The following CDH4 variants were observed in gnomAD, a reference collection of about 807,000 sequenced individuals.
CDH4 encodes cadherin 4.
CDH4 carries 33 observed loss-of-function variants against 86.0 expected under a neutral mutation model. The ratio of observed to expected loss-of-function variants is 0.38; its 90% CI spans 0.29 to 0.51. CDH4 has a LOEUF of 0.51. CDH4 is among the 20% of genes least tolerant of loss of function. The pLI, the probability that CDH4 is intolerant of heterozygous loss-of-function variation, is 0.86. For synonymous variants in CDH4, 555 were observed against 549.4 expected (o/e 1.01, Z -0.14); for missense variants, 1,114 against 1,307.4 (o/e 0.85, Z 2.28).
intron 3 of CDH4, among the ~76,000 whole-genome samples, chr20:61,769,236 A>G (rs369652269): frequency 3.9e-5 from 6 of 152,096 alleles, no homozygotes; most frequent in African/African-American, 1.4e-4. Context: ...ACTGCAGAAC[A>G]TATCAGGCGT....
At chr20:61,716,200 G>A (rs1248226730) in intron 2 of CDH4, among the ~76,000 whole-genome samples, 1 of 152,130 alleles carries the variant, frequency 6.6e-6, no homozygotes, top group Non-Finnish European at 1.5e-5. Flanking sequence ...GCTATAAAGG[G>A]GCAGATGCTC....
intron 4 of CDH4, among the ~76,000 whole-genome samples, chr20:61,775,229 C>T (rs1341250756): frequency 1.3e-5 from 2 of 152,234 alleles, no homozygotes; most frequent in East Asian, 3.9e-4. Context: ...ATTTGTTACC[C>T]AGGCCAGTGG....
In CDH4 at chr20:61,852,862, G is replaced by A. The variant is rs78979746; in HGVS notation, c.841G>A (p.Val281Ile). 6.2e-7 allele frequency: 1 copy of A among 1,613,910 alleles called. No individual in the cohort carries two copies. Among genetic ancestry groups the A allele is most frequent in the Non-Finnish European group, 8.5e-7 (1 of 1,179,972 alleles). The change falls in exon 6 of 16, where the codon GTC becomes ATC. Residue 281 changes from valine to isoleucine, a missense_variant. This residue lies in a region of CDH4 where 705 missense variants were observed against 914.1 expected (regional missense o/e 0.77). Coordinates refer to ENST00000614565, the MANE Select transcript of CDH4 (RefSeq NM_001794.5). ...CAACCGCCCTGAGTTCATCAACCAG[G>A]TCTACAACGGCTCCGTGGACGAGGG... Reference protein sequence around the residue: ...NDNRPEFINQVYNGSVDEGSK... With the variant: ...NDNRPEFINQIYNGSVDEGSK...
intron 2 of CDH4, among the ~76,000 whole-genome samples, chr20:61,545,894 CGT>C (rs1568886404): frequency 6.1e-5 from 4 of 65,640 alleles, no homozygotes; most frequent in Non-Finnish European, 9.1e-5. Context: ...GGTATGTGTT[CGT>C]ATGTGTGTGT....
intron 2 of CDH4, among the ~76,000 whole-genome samples, chr20:61,375,002 C>T (rs886140578): frequency 6.6e-6 from 1 of 152,218 alleles, no homozygotes; most frequent in Non-Finnish European, 1.5e-5. Context: ...CCCGGAAGCA[C>T]TTGAATCCTT....
At chr20:61,932,363 G>T (rs561229296) in intron 13 of CDH4, among the ~76,000 whole-genome samples, 2 of 152,338 alleles carry the variant, frequency 1.3e-5, no homozygotes, top group East Asian at 3.9e-4. Context: ...GCTGGGGAGA[G>T]GGCCTGAGCC....
chr20:61,906,623 C>G (rs2054791864), intron 8 of CDH4, among the ~76,000 whole-genome samples: 7 of 152,086 alleles, frequency 4.6e-5, no homozygotes, highest in African/African-American at 2.4e-5. Context: ...TGGCCCTGAG[C>G]CAGGTGTCAG....
At chr20:61,602,852 G>A (rs762629067) in intron 2 of CDH4, among the ~76,000 whole-genome samples, 46 of 152,224 alleles carry the variant, frequency 3.0e-4, no homozygotes, top group Non-Finnish European at 5.7e-4. Flanking sequence ...CGCCCGCAGG[G>A]CATTTACTTG....
At chr20:61,851,874 T>C (rs1982741320) in intron 5 of CDH4, among the ~76,000 whole-genome samples, 3 of 152,078 alleles carry the variant, frequency 2.0e-5, no homozygotes. Context: ...GGATGGAAGC[T>C]CCAGGGCAGC....
rs1175787812 is a variant in CDH4 at position 61,938,873 on chromosome 20, G to A, written c.*1930G>A. ...GAGCTGGGGTCTCAGTCTCCAACCT[G>A]TCCTTTCTGACCCTCCCATGGCTGC... On this transcript the variant is annotated 3_prime_UTR_variant, in exon 16 of 16. Transcript: ENST00000614565. The A allele has an allele frequency of 1.3e-5, 2 of 152,290 alleles. No homozygotes were observed. Among genetic ancestry groups the A allele is most frequent in the Non-Finnish European group, 2.9e-5 (2 of 68,102 alleles). 9.4% of individuals were successfully genotyped at this position (152,290 alleles called of 1,614,324 possible). A position where few individuals can be genotyped will look rare whatever the true frequency, so the allele number is the denominator to read the frequency against.
rs552218339 is a variant in CDH4, at chr20:61,357,596, C to G, written c.169+102659C>G. On this transcript the variant is annotated intron_variant, in intron 2 of 15. Coordinates refer to ENST00000614565, the MANE Select transcript of CDH4 (RefSeq NM_001794.5). The stretch of plus-strand genomic sequence containing the variant: ...GGACCAGACAGCCCCCAGGGGGAAC[C>G]TGGCCACCAGGCAGCCCATGACCTG... Among the ~76,000 whole-genome samples the G allele has an allele frequency of 2.0e-5, 3 of 152,350 alleles. No homozygotes were observed. The South Asian group carries it at 6.2e-4, about 32-fold the overall frequency.
chr20:61,496,624 T>C (rs974399318), intron 2 of CDH4, among the ~76,000 whole-genome samples: 1 of 152,252 alleles, frequency 6.6e-6, no homozygotes, highest in South Asian at 2.1e-4. Context: ...CCATCCATTT[T>C]AGGCACGCAT....
At chr20:61,728,667 C>T (rs1209423008) in intron 2 of CDH4, among the ~76,000 whole-genome samples, 1 of 152,156 alleles carries the variant, frequency 6.6e-6, no homozygotes, top group Non-Finnish European at 1.5e-5. Context: ...AGAGAATGTG[C>T]TCCAAGTGCC....
At chr20:61,308,339 G>T (rs901415882) in intron 2 of CDH4, among the ~76,000 whole-genome samples, 3 of 152,200 alleles carry the variant, frequency 2.0e-5, no homozygotes, top group African/African-American at 4.8e-5. Flanking sequence ...GCCATGAGCC[G>T]CAGCGCTGAG....
At chr20:61,529,545 A>G (rs2085936633) in intron 2 of CDH4, among the ~76,000 whole-genome samples, 1 of 152,240 alleles carries the variant, frequency 6.6e-6, no homozygotes. Context: ...ATCTGACTAT[A>G]GGAATCTGTG....
intron 4 of CDH4, among the ~76,000 whole-genome samples, chr20:61,803,672 C>T (rs1979960019): frequency 6.6e-6 from 1 of 152,230 alleles, no homozygotes; most frequent in Non-Finnish European, 1.5e-5. Flanking sequence ...TAAGGGGGCG[C>T]CCAGAGCTCT....
At chr20:61,698,129 C>T (rs547375667) in intron 2 of CDH4, among the ~76,000 whole-genome samples, 1 of 152,346 alleles carries the variant, frequency 6.6e-6, no homozygotes, top group South Asian at 2.1e-4. Flanking sequence ...AGACCTGGCA[C>T]GTGTCGTCCA....
chr20:61,300,766 C>T, intron 2 of CDH4, among the ~76,000 whole-genome samples: 1 of 152,218 alleles, frequency 6.6e-6, no homozygotes, highest in Admixed American at 6.5e-5. Context: ...GAGGCAGTCT[C>T]TTCTACTCCC....
At chr20:61,460,982 A>G (rs1329922543) in intron 2 of CDH4, among the ~76,000 whole-genome samples, 1 of 152,140 alleles carries the variant, frequency 6.6e-6, no homozygotes, top group East Asian at 1.9e-4. Context: ...TGCCCTGTCG[A>G]CAGTATCCTG....
Sources: allele counts gnomAD v4.1 joint callset (sites outside exome capture counted in the v4.1 genomes callset), GRCh38; gene constraint gnomAD v4.1.1; regional missense constraint gnomAD v4.1.1; transcripts MANE v1.5; gene names NCBI Gene and HGNC (gene_info 2026-07-23, HGNC 2026-07-21).